LPA: variants seen among roughly 807,000 people sequenced by gnomAD.
LPA encodes the protein apolipoprotein(a).
A neutral mutation model predicts 197.9 loss-of-function variants in LPA; 199 were observed. The ratio of observed to expected loss-of-function variants is 1.01; its 90% confidence interval spans 0.90 to 1.13. The LOEUF (loss-of-function observed/expected upper bound fraction) is 1.13. Among genes scored for constraint, LPA ranks in the 50% most tolerant of loss-of-function variants. LPA has a pLI of 0.00. For synonymous variants in LPA, 715 were observed against 639.5 expected (o/e 1.12, Z -1.78); for missense variants, 1,853 against 1,785.8 (o/e 1.04, Z -0.68).
chr6:160,578,916 A>G (rs1021519215), intron 26 of LPA, among the ~76,000 whole-genome samples: 5 of 152,228 alleles, frequency 3.3e-5, no homozygotes, highest in Non-Finnish European at 5.9e-5. Context: ...TTGTTTTAAA[A>G]CATCAAAAGT....
At chr6:160,556,326 A>G (rs909909006) in intron 29 of LPA, 142 bp from the exon 30 acceptor site, 1 of 720,728 alleles carries the variant, frequency 1.4e-6, no homozygotes, top group Non-Finnish European at 2.5e-6. Context: ...TGCTGAAGCA[A>G]AAACAATAGA....
chr6:160,538,794 T>G (rs1777931778), intron 36 of LPA, among the ~76,000 whole-genome samples: 1 of 152,214 alleles, frequency 6.6e-6, no homozygotes, highest in African/African-American at 2.4e-5. Context: ...TCTAGGGGTG[T>G]GGGGATGTGC....
chr6:160,648,083 T>C (rs1398554764), intron 2 of LPA, among the ~76,000 whole-genome samples: 1 of 152,220 alleles, frequency 6.6e-6, no homozygotes. Flanking sequence ...TGGATGAACT[T>C]CAAGGCATTT....
In LPA at chr6:160,633,866, A is replaced by C. The variant is rs1418067771; in HGVS notation, c.1122T>G (p.Asn374Lys). 5.6e-6 allele frequency: 8 copies of C among 1,431,426 alleles called. 1 individual carries two copies. In the African/African-American group the frequency reaches 8.9e-5, roughly 16 times the overall value. The allele number at this position is 1,431,426 out of a possible 1,614,324, so 88.7% of individuals were successfully genotyped here. ...RPGVQECYHGNGQSYRGTYST... is the reference protein window; with the variant it reads ...RPGVQECYHGKGQSYRGTYST... Reference sequence around the variant, plus strand: ...AGTATGTGCCTCGATAACTCTGTCCATTACCGTGGTAGCACTCCTGCACCC... The same window carrying C: ...AGTATGTGCCTCGATAACTCTGTCCCTTACCGTGGTAGCACTCCTGCACCC... Residue 374 changes from asparagine (N) to lysine (K), a missense_variant, in exon 8 of 39, where the codon AAT becomes AAG. By Grantham distance (94) the Asn-to-Lys change is moderately conservative (BLOSUM62 0). Around this residue, in one of 3 missense-constraint regions of LPA, gnomAD observed 28 missense variants for 198.4 expected, o/e 0.14. Coordinates refer to ENST00000316300, the MANE Select transcript of LPA (RefSeq NM_005577.4).
chr6:160,646,797 T>C (rs1663603692), intron 2 of LPA, among the ~76,000 whole-genome samples: 1 of 148,560 alleles, frequency 6.7e-6, no homozygotes, highest in Non-Finnish European at 1.5e-5. Flanking sequence ...TGTATCTGTC[T>C]AGTCTCCGTA....
At chr6:160,537,334 G>T (rs529550165) in intron 37 of LPA, among the ~76,000 whole-genome samples, 2 of 152,264 alleles carry the variant, frequency 1.3e-5, no homozygotes, top group East Asian at 1.9e-4. Flanking sequence ...CCCAGCTTCA[G>T]GTCCCCTGCC....
At chr6:160,567,140 A>G (rs1026510264) in intron 28 of LPA, among the ~76,000 whole-genome samples, 1 of 152,176 alleles carries the variant, frequency 6.6e-6, no homozygotes, top group African/African-American at 2.4e-5. Flanking sequence ...TGCACCAAGC[A>G]GACCTAATAG....
Position 160,606,496 on chromosome 6 carries a change from T to C in LPA, c.2766A>G (p.Leu922=). The C allele has an allele frequency of 8.7e-6, 14 of 1,613,510 alleles. No homozygotes were observed. Among genetic ancestry groups the C allele is most frequent in the Non-Finnish European group, 1.2e-5 (14 of 1,179,850 alleles). Residue 922 remains leucine (L), a synonymous_variant, in exon 17 of 39, where the codon CTA becomes CTG. Coordinates refer to ENST00000316300, the MANE Select transcript of LPA (RefSeq NM_005577.4). Reference sequence around the variant, plus strand: ...CCTTACCTTGTTCAGAAGGAGCCTCTAGGCTTGGAATCGGGGTAATAGTTG... The same window carrying C: ...CCTTACCTTGTTCAGAAGGAGCCTCCAGGCTTGGAATCGGGGTAATAGTTG... The part of the protein sequence containing the change: ...APPTITPIPS[L]EAPSEQAPTE...
At chr6:160,571,081 C>T (rs1778554282) in intron 28 of LPA, among the ~76,000 whole-genome samples, 1 of 152,088 alleles carries the variant, frequency 6.6e-6, no homozygotes, top group Non-Finnish European at 1.5e-5. Context: ...ATTCTTTATT[C>T]CTTAATCTTG....
intron 22 of LPA, among the ~76,000 whole-genome samples, chr6:160,593,747 C>A (rs1157659717): frequency 6.6e-6 from 1 of 152,190 alleles, no homozygotes; most frequent in Non-Finnish European, 1.5e-5. Context: ...CTTCAAATAT[C>A]CTCCTGCTTC....
intron 21 of LPA, 69 bp downstream of exon 21, chr6:160,595,285 C>G (rs2115048754): frequency 2.5e-6 from 4 of 1,578,188 alleles, no homozygotes; most frequent in East Asian, 2.2e-5. Flanking sequence ...GCTTCTATAT[C>G]ACTAAGATTT....
intron 36 of LPA, among the ~76,000 whole-genome samples, chr6:160,539,309 T>C (rs1316931474): frequency 1.3e-5 from 2 of 152,186 alleles, no homozygotes; most frequent in Non-Finnish European, 2.9e-5. Flanking sequence ...TAGGTCCAAA[T>C]AGACTAACTT....
chr6:160,573,469 C>T (rs1778599091), intron 28 of LPA, among the ~76,000 whole-genome samples: 1 of 151,928 alleles, frequency 6.6e-6, no homozygotes, highest in Non-Finnish European at 1.5e-5. Context: ...GGTTTGGATC[C>T]ATTGCTGGTG....
intron 22 of LPA, among the ~76,000 whole-genome samples, chr6:160,593,590 C>T (rs944159459): frequency 6.6e-6 from 1 of 152,186 alleles, no homozygotes; most frequent in Non-Finnish European, 1.5e-5. Context: ...ATGGCTAATA[C>T]AACCTTCACT....
At chr6:160,561,910 A>T (rs1182802988) in intron 28 of LPA, among the ~76,000 whole-genome samples, 1 of 152,202 alleles carries the variant, frequency 6.6e-6, no homozygotes, top group Non-Finnish European at 1.5e-5. Flanking sequence ...ATTTTTGCAC[A>T]TTGATTTTGT....
intron 28 of LPA, among the ~76,000 whole-genome samples, chr6:160,576,390 G>GTGTA (rs1269473870): frequency 8.7e-5 from 4 of 46,106 alleles, no homozygotes; most frequent in Non-Finnish European, 1.2e-4. Context: ...ATATATATAT[G>GTGTA]TATATATATA....
intron 28 of LPA, among the ~76,000 whole-genome samples, chr6:160,559,569 T>C (rs192293517): frequency 2.7e-3 from 409 of 152,350 alleles, no homozygotes; most frequent in African/African-American, 9.1e-3. Context: ...GGCATATTGA[T>C]GGAACTTTTT....
At chr6:160,658,720 C>T (rs540798205) in intron 1 of LPA, among the ~76,000 whole-genome samples, 3 of 152,230 alleles carry the variant, frequency 2.0e-5, no homozygotes, top group African/African-American at 7.2e-5. Context: ...GAGTCCTTAG[C>T]ATTTTTTGGT....
In LPA at chr6:160,593,083, A is replaced by G. The variant is rs775633587; in HGVS notation, c.3629+875T>C. 4.6e-5 allele frequency among the ~76,000 whole-genome samples: 7 copies of G among 152,136 alleles called. No homozygotes were observed. The East Asian group carries it at 5.8e-4, about 13-fold the overall frequency. On this transcript the variant is annotated intron_variant, in intron 22 of 38. Coordinates refer to ENST00000316300, the MANE Select transcript of LPA (RefSeq NM_005577.4). The stretch of plus-strand genomic sequence containing the variant: ...TTCTTGGAGCTCCTTTCCTCCACAA[A>G]TCCCCTCTCATTCTTAGCCAGCCTA...
Sources: gnomAD v4.1 joint callset for allele counts (sites outside exome capture counted in the v4.1 genomes callset) on GRCh38, gnomAD v4.1.1 for gene constraint, gnomAD v4.1.1 regional missense constraint, MANE v1.5 for transcripts, NCBI Gene and HGNC (gene_info 2026-07-23, HGNC 2026-07-21) for gene names.